Variants in PPP4R2 observed in about 807,000 individuals in gnomAD.
The protein encoded by PPP4R2 is serine/threonine-protein phosphatase 4 regulatory subunit 2.
A neutral mutation model predicts 47.2 loss-of-function variants in PPP4R2; 13 were observed. The observed-to-expected ratio is 0.28, with a 90% CI of 0.18 to 0.44. The LOEUF (loss-of-function observed/expected upper bound fraction) is 0.44, where lower values mean the gene tolerates loss of function less well. Ranked by LOEUF, PPP4R2 falls within the 20% of genes least tolerant of loss-of-function variation. PPP4R2 has a pLI of 1.00. For missense variants in PPP4R2, 421 were observed against 491.2 expected, an observed-to-expected ratio of 0.86 and a Z score of 1.35; for synonymous variants, 151 against 163.3, an observed-to-expected ratio of 0.92 and a Z score of 0.57.
At position 73,001,068 on chromosome 3, in the gene PPP4R2, A is replaced by G. The variant is rs779164870; in HGVS notation, c.116+2910A>G. On this transcript the variant is annotated intron_variant, in intron 2 of 8. Coordinates refer to ENST00000356692, the MANE Select transcript of PPP4R2 (RefSeq NM_174907.4). ...TGGTATAAGAATATGTTCCAAGCTCATTTCCTGCCCCAGATGTGAATCAGA... is the reference window on the plus strand; with the variant it reads ...TGGTATAAGAATATGTTCCAAGCTCGTTTCCTGCCCCAGATGTGAATCAGA... Among the ~76,000 whole-genome samples the G allele has an allele frequency of 6.3e-4, 95 of 151,940 alleles. 1 individual carries two copies. The highest frequency in any genetic ancestry group is 9.3e-4 in the Non-Finnish European group (63 of 68,000).
At chr3:72,997,211 TC>T in intron 1 of PPP4R2, 140 bp downstream of exon 1, 1 of 561,104 alleles carries the variant, frequency 1.8e-6, no homozygotes, top group Non-Finnish European at 2.8e-6. Context: ...CCCCTCCACC[TC>T]CCCAGGGGCG....
chr3:73,044,075 CTG>C (rs1395774782), intron 2 of PPP4R2, among the ~76,000 whole-genome samples: 2 of 152,138 alleles, frequency 1.3e-5, no homozygotes, highest in African/African-American at 4.8e-5. Context: ...AGATTAAAGA[CTG>C]GATAATATTC....
intron 5 of PPP4R2, chr3:73,061,977 T>C (rs1282635051): frequency 1.3e-6 from 1 of 749,756 alleles, no homozygotes; most frequent in South Asian, 2.0e-5. Flanking sequence ...GTATACATGA[T>C]AAAAATTTCT....
At chr3:73,008,129 T>TA (rs995773491) in intron 2 of PPP4R2, among the ~76,000 whole-genome samples, 2 of 149,820 alleles carry the variant, frequency 1.3e-5, no homozygotes, top group Non-Finnish European at 2.9e-5. Context: ...GTATAGTGGT[T>TA]ACGTTTTCTG....
At chr3:73,057,563 G>T (rs920971488) in intron 3 of PPP4R2, among the ~76,000 whole-genome samples, 18 of 152,062 alleles carry the variant, frequency 1.2e-4, no homozygotes, top group African/African-American at 4.1e-4. Context: ...TCGATTTTAG[G>T]TTTGAGACAA....
rs367627504 is a variant in PPP4R2, at chr3:73,064,945, G to A, written c.732G>A (p.Glu244=). ...ATGCTGTGGAAGCTGAGGGGCATGA[G>A]GTAAAAAGACTCAGGTTTGACAAAG... is the stretch of plus-strand genomic sequence containing the variant. ...DEDAVEAEGH[E]VKRLRFDKEG... The change falls in exon 8 of 9, where the codon GAG becomes GAA. Residue 244 remains glutamate (E), a synonymous_variant. Transcript: ENST00000356692. 173 of 1,613,672 alleles carry A rather than the reference G, an allele frequency of 1.1e-4. No homozygotes were observed. Among genetic ancestry groups the A allele is most frequent in the Non-Finnish European group, 1.4e-4 (164 of 1,179,814 alleles).
At chr3:72,998,323 C>CTT (rs997674918) in intron 2 of PPP4R2, among the ~76,000 whole-genome samples, 165 bp downstream of exon 2, 3 of 152,010 alleles carry the variant, frequency 2.0e-5, no homozygotes, top group Non-Finnish European at 4.4e-5. Context: ...AACGTATACG[C>CTT]TTACTTACTT....
At chr3:73,001,833 T>C (rs918762359) in intron 2 of PPP4R2, among the ~76,000 whole-genome samples, 2 of 152,158 alleles carry the variant, frequency 1.3e-5, no homozygotes, top group Non-Finnish European at 2.9e-5. Context: ...TTCACCATGT[T>C]GGCCAGGATG....
rs555733161 is a variant in PPP4R2 at position 73,018,759 on chromosome 3, C to T, written c.116+20601C>T. Among the ~76,000 whole-genome samples, 29 of 152,258 alleles carry T rather than the reference C, an allele frequency of 1.9e-4. 1 individual carries two copies. The East Asian group carries it at 5.6e-3, about 29-fold the overall frequency. ...GTTGTTAATTGCCTCATATGTTCTTCCTTATGGGATACCTTCAACTTGTCT... is the reference window on the plus strand; with the variant it reads ...GTTGTTAATTGCCTCATATGTTCTTTCTTATGGGATACCTTCAACTTGTCT... On this transcript the variant is annotated intron_variant, in intron 2 of 8. Transcript: ENST00000356692.
intron 6 of PPP4R2, 70 bp downstream of exon 6, chr3:73,063,817 C>A: frequency 8.0e-7 from 1 of 1,245,592 alleles, no homozygotes. Flanking sequence ...GCTTAGTGTA[C>A]TTTTTAAAAA....
At chr3:73,060,479 A>AG (rs1397376088) in intron 4 of PPP4R2, among the ~76,000 whole-genome samples, 1 of 152,114 alleles carries the variant, frequency 6.6e-6, no homozygotes, top group Non-Finnish European at 1.5e-5. Context: ...TAGGGCTGGG[A>AG]GGGGGATTAA....
At chr3:73,015,585 T>C (rs1220973028) in intron 2 of PPP4R2, among the ~76,000 whole-genome samples, 2 of 151,314 alleles carry the variant, frequency 1.3e-5, no homozygotes, top group African/African-American at 2.4e-5. Context: ...GAGCGATTCT[T>C]CTACCTCAGC....
intron 2 of PPP4R2, among the ~76,000 whole-genome samples, chr3:73,012,368 C>T (rs899980747): frequency 1.3e-5 from 2 of 152,106 alleles, no homozygotes; most frequent in African/African-American, 4.8e-5. Context: ...GGCGCAATCT[C>T]AGCTCACTGC....
At chr3:73,029,448 G>A (rs1702128013) in intron 2 of PPP4R2, among the ~76,000 whole-genome samples, 1 of 152,128 alleles carries the variant, frequency 6.6e-6, no homozygotes, top group Non-Finnish European at 1.5e-5. Flanking sequence ...GTATTTTGAA[G>A]GTACAACCAA....
At chr3:73,050,921 A>AT (rs1006702456) in intron 3 of PPP4R2, among the ~76,000 whole-genome samples, 1 of 150,582 alleles carries the variant, frequency 6.6e-6, no homozygotes, top group African/African-American at 2.4e-5. Context: ...CCTTTTTTTT[A>AT]TTTTTTTCTG....
chr3:73,025,476 A>G (rs1342205073), intron 2 of PPP4R2, among the ~76,000 whole-genome samples: 1 of 152,194 alleles, frequency 6.6e-6, no homozygotes, highest in Non-Finnish European at 1.5e-5. Flanking sequence ...TCATCTTTAT[A>G]AGGAAAAAAA....
intron 2 of PPP4R2, among the ~76,000 whole-genome samples, chr3:72,999,253 C>T (rs1329941497): frequency 5.3e-5 from 8 of 152,072 alleles, no homozygotes; most frequent in South Asian, 2.1e-4. Context: ...ACCCTCTGGG[C>T]GGGGGAAGTC....
intron 5 of PPP4R2, chr3:73,063,406 T>G: frequency 3.2e-6 from 1 of 310,440 alleles, no homozygotes; most frequent in Non-Finnish European, 6.1e-6. Flanking sequence ...GGCCGATCAC[T>G]TGAGGTCATG....
At chr3:73,060,380 T>G (rs1013044317) in intron 4 of PPP4R2, among the ~76,000 whole-genome samples, 1 of 152,200 alleles carries the variant, frequency 6.6e-6, no homozygotes, top group Non-Finnish European at 1.5e-5. Flanking sequence ...TCATACCAGG[T>G]GCCCTGCCTT....
Sources: gnomAD v4.1 joint callset for allele counts (sites outside exome capture counted in the v4.1 genomes callset) on GRCh38, gnomAD v4.1.1 for gene constraint, MANE v1.5 for transcripts, NCBI Gene and HGNC (gene_info 2026-07-23, HGNC 2026-07-21) for gene names.